Variants in ASCC3 observed in about 807,000 individuals in gnomAD.
The protein encoded by ASCC3 is ASC-1 complex subunit P200.
ASCC3 carries 158 observed loss-of-function variants against 256.3 expected under a neutral mutation model. The ratio of observed to expected loss-of-function variants is 0.62; its 90% CI spans 0.54 to 0.70. The LOEUF (loss-of-function observed/expected upper bound fraction) is 0.70. ASCC3 is among the 30% of genes least tolerant of loss of function. ASCC3 has a pLI of 0.00. For synonymous variants in ASCC3, 948 were observed against 883.4 expected (o/e 1.07, Z -1.30); for missense variants, 2,259 against 2,626.0 (o/e 0.86, Z 3.05).
At chr6:100,799,723 A>C in intron 6 of ASCC3, 151 bp from the exon 7 acceptor site, 1 of 760,672 alleles carries the variant, frequency 1.3e-6, no homozygotes, top group Non-Finnish European at 2.0e-6. Flanking sequence ...AGGAATCCTG[A>C]AATTTTCTGA....
chr6:100,735,601 TG>T (rs773142971), intron 10 of ASCC3, among the ~76,000 whole-genome samples: 78 of 152,262 alleles, frequency 5.1e-4, no homozygotes, highest in Non-Finnish European at 2.1e-4. Flanking sequence ...AATTTGGCAA[TG>T]TTTATCAAAT....
chr6:100,706,414 C>T (rs1213478836), intron 13 of ASCC3, among the ~76,000 whole-genome samples: 1 of 150,636 alleles, frequency 6.6e-6, no homozygotes, highest in Non-Finnish European at 1.5e-5. Flanking sequence ...GAAGACAGAA[C>T]ACTACAGCTT....
At position 100,828,123 on chromosome 6, in the gene ASCC3, AC is replaced by A. The variant is rs202132863; in HGVS notation, c.801+20024del. 7.5e-4 allele frequency among the ~76,000 whole-genome samples: 111 copies of A among 148,962 alleles called. 1 individual carries two copies. In the East Asian group the frequency reaches 0.018, roughly 24 times the overall value. On this transcript the variant is annotated intron_variant, in intron 4 of 41. Coordinates refer to ENST00000369162, the MANE Select transcript of ASCC3 (RefSeq NM_006828.4). ...AAAAAAAAAAACGAAAAAAAGCTTA[AC>A]ACTGAAAAAACAATTTAGTAACTCA...
At chr6:100,693,312 A>G (rs1777924303) in intron 13 of ASCC3, among the ~76,000 whole-genome samples, 1 of 152,024 alleles carries the variant, frequency 6.6e-6, no homozygotes, top group African/African-American at 2.4e-5. Context: ...AATTGTGAGA[A>G]TCTCCATATG....
At chr6:100,765,244 GC>G (rs1781597386) in intron 10 of ASCC3, among the ~76,000 whole-genome samples, 2 of 152,008 alleles carry the variant, frequency 1.3e-5, no homozygotes, top group South Asian at 4.1e-4. Context: ...AAAATTCTAA[GC>G]CCCCCAACCA....
chr6:100,661,596 T>C (rs1218343880), intron 16 of ASCC3, among the ~76,000 whole-genome samples: 1 of 151,918 alleles, frequency 6.6e-6, no homozygotes, highest in East Asian at 1.9e-4. Flanking sequence ...AAAAGTATGG[T>C]CTTTTAACAA....
At chr6:100,608,089 T>TATACACATATATATGTATATATAC (rs1562160968) in intron 30 of ASCC3, among the ~76,000 whole-genome samples, 23 of 102,478 alleles carry the variant, frequency 2.2e-4, no homozygotes, top group Non-Finnish European at 3.1e-4. Flanking sequence ...TGTATATATA[T>TATACACATATATATGTATATATAC]CTATATACAC....
intron 13 of ASCC3, among the ~76,000 whole-genome samples, chr6:100,685,502 G>A (rs1020027925): frequency 6.6e-6 from 1 of 152,192 alleles, no homozygotes; most frequent in Non-Finnish European, 1.5e-5. Context: ...TGAGGGTGGG[G>A]CCCAGCCATT....
intron 3 of ASCC3, among the ~76,000 whole-genome samples, chr6:100,862,444 A>G (rs1007007979): frequency 2.6e-5 from 4 of 151,832 alleles, no homozygotes; most frequent in East Asian, 1.9e-4. Flanking sequence ...ACATATTTGG[A>G]AAAAAAAATT....
At position 100,805,037 on chromosome 6, in the gene ASCC3, G is replaced by A. The variant is rs143956809; in HGVS notation, c.922+723C>T. ...CAACAGTGGACTGGATAACAAAAAT[G>A]CAGTACATATGTACCATGGAACACT... On this transcript the variant is annotated intron_variant, in intron 5 of 41. Transcript: ENST00000369162. 3.9e-4 allele frequency among the ~76,000 whole-genome samples: 59 copies of A among 152,140 alleles called. 1 individual carries two copies. Among genetic ancestry groups the A allele is most frequent in the African/African-American group, 1.4e-3 (58 of 41,534 alleles).
chr6:100,691,124 T>G (rs1777828033), intron 13 of ASCC3, among the ~76,000 whole-genome samples: 1 of 152,096 alleles, frequency 6.6e-6, no homozygotes, highest in African/African-American at 2.4e-5. Context: ...GTGTACATTA[T>G]GTACCATGAC....
At chr6:100,687,336 C>T (rs1233615586) in intron 13 of ASCC3, among the ~76,000 whole-genome samples, 4 of 151,902 alleles carry the variant, frequency 2.6e-5, no homozygotes, top group Non-Finnish European at 5.9e-5. Flanking sequence ...GTTTGTCTTA[C>T]CCATTGAAGC....
intron 20 of ASCC3, among the ~76,000 whole-genome samples, chr6:100,648,926 T>C (rs6912723): frequency 0.014 from 2,129 of 151,980 alleles, 40 homozygotes; most frequent in African/African-American, 0.049. Context: ...AAGTTAAGCA[T>C]AGGCCTTTAA....
chr6:100,767,805 A>T (rs1781732449), intron 8 of ASCC3, among the ~76,000 whole-genome samples: 1 of 150,110 alleles, frequency 6.7e-6, no homozygotes, highest in Non-Finnish European at 1.5e-5. Flanking sequence ...TTTAGTAGAG[A>T]TGGGGTTTCA....
intron 13 of ASCC3, among the ~76,000 whole-genome samples, chr6:100,685,029 G>C (rs1045955043): frequency 4.6e-5 from 7 of 151,922 alleles, no homozygotes; most frequent in Admixed American, 1.3e-4. Context: ...GGATGGTCTC[G>C]ATCTCCTGAC....
chr6:100,728,250 TAAAGAG>T (rs757789397), intron 10 of ASCC3, among the ~76,000 whole-genome samples: 13 of 151,878 alleles, frequency 8.6e-5, no homozygotes, highest in Non-Finnish European at 1.8e-4. Context: ...GGGGGAATGA[TAAAGAG>T]AGAGTGAGAG....
At chr6:100,541,584 A>G (rs1775466717) in intron 36 of ASCC3, among the ~76,000 whole-genome samples, 2 of 152,194 alleles carry the variant, frequency 1.3e-5, no homozygotes, top group Non-Finnish European at 2.9e-5. Flanking sequence ...TCAAAAAGCA[A>G]CACCTAAAAG....
At chr6:100,700,179 TGAACCCA>T (rs1441516011) in intron 13 of ASCC3, among the ~76,000 whole-genome samples, 5 of 152,110 alleles carry the variant, frequency 3.3e-5, no homozygotes, top group African/African-American at 1.2e-4. Context: ...TTTTGTGGGC[TGAACCCA>T]GGGTCCCCAT....
At chr6:100,715,209 G>C (rs1779034068) in intron 13 of ASCC3, 1 of 340,048 alleles carries the variant, frequency 2.9e-6, no homozygotes, top group Non-Finnish European at 5.3e-6. Context: ...AAAACAGTAA[G>C]AATATAATAT....
Sources: allele counts gnomAD v4.1 joint callset (sites outside exome capture counted in the v4.1 genomes callset), GRCh38; gene constraint gnomAD v4.1.1; transcripts MANE v1.5; gene names NCBI Gene and HGNC (gene_info 2026-07-23, HGNC 2026-07-21).